The following GRIA4 variants were observed in gnomAD, a reference collection of about 807,000 sequenced individuals.
The protein encoded by GRIA4 is glutamate receptor 4.
In GRIA4, 34 loss-of-function variants were observed where a neutral mutation model predicts 104.0. That is an observed-to-expected ratio of 0.33 (90% CI 0.25 to 0.44). The LOEUF is 0.44. Among genes scored for constraint, GRIA4 ranks in the 20% least tolerant of loss-of-function variants. The pLI is 1.00. For missense variants in GRIA4, 750 were observed against 1,096.5 expected, an observed-to-expected ratio of 0.68 and a Z score of 4.46; for synonymous variants, 386 against 381.9, an observed-to-expected ratio of 1.01 and a Z score of -0.13.
At chr11:105,638,659 C>T (rs1951275304) in intron 3 of GRIA4, among the ~76,000 whole-genome samples, 1 of 152,016 alleles carries the variant, frequency 6.6e-6, no homozygotes, top group South Asian at 2.1e-4. Context: ...TTAAAAATCA[C>T]TATTCTCCAT....
rs151155179 is a variant in GRIA4, at chr11:105,861,090, C to T, written c.488-934C>T. The stretch of plus-strand genomic sequence containing the variant: ...TACAGCTTCTGCCTTAACCCAGGTG[C>T]TTGGACCAGGTGCCTTCCCTTCCAC... On this transcript the variant is annotated intron_variant, in intron 4 of 16. Coordinates refer to ENST00000282499, the MANE Select transcript of GRIA4 (RefSeq NM_000829.4). Among the ~76,000 whole-genome samples, 614 of 152,148 alleles carry T rather than the reference C, an allele frequency of 4.0e-3. 4 individuals are homozygous for T. Among genetic ancestry groups the T allele is most frequent in the African/African-American group, 0.013 (556 of 41,510 alleles).
chr11:105,974,207 A>T, intron 15 of GRIA4, 103 bp from the exon 16 acceptor site: 1 of 1,117,312 alleles, frequency 9.0e-7, no homozygotes, highest in Non-Finnish European at 1.3e-6. Context: ...ATTTCAGGTT[A>T]AATTAAGCAT....
chr11:105,818,382 C>T (rs1943457602), intron 4 of GRIA4, among the ~76,000 whole-genome samples: 1 of 152,090 alleles, frequency 6.6e-6, no homozygotes, highest in South Asian at 2.1e-4. Context: ...GCCTGGGTAA[C>T]CTACTGCACA....
chr11:105,912,905 G>C (rs1413655306), intron 10 of GRIA4: 1 of 979,434 alleles, frequency 1.0e-6, no homozygotes, highest in Admixed American at 6.2e-5. Context: ...AACACAGATG[G>C]AATTGGCTAG....
At chr11:105,720,766 T>C (rs1400952507) in intron 3 of GRIA4, among the ~76,000 whole-genome samples, 1 of 152,194 alleles carries the variant, frequency 6.6e-6, no homozygotes, top group East Asian at 1.9e-4. Flanking sequence ...CTCCAACCTG[T>C]CATATCACAG....
chr11:105,943,869 G>GCT (rs373863456), intron 14 of GRIA4, among the ~76,000 whole-genome samples: 35 of 150,752 alleles, frequency 2.3e-4, no homozygotes, highest in South Asian at 2.1e-4. Flanking sequence ...AACAGGAAAT[G>GCT]CTCTCTCTCT....
intron 4 of GRIA4, among the ~76,000 whole-genome samples, chr11:105,779,762 A>G (rs556707780): frequency 1.3e-4 from 20 of 152,330 alleles, no homozygotes; most frequent in African/African-American, 4.8e-4. Flanking sequence ...ACTTCAAACT[A>G]TACTACAAGG....
chr11:105,717,017 A>G (rs1246188738), intron 3 of GRIA4, among the ~76,000 whole-genome samples: 1 of 152,158 alleles, frequency 6.6e-6, no homozygotes, highest in Non-Finnish European at 1.5e-5. Context: ...TCAGTGTTAC[A>G]TGGAGGTTTA....
chr11:105,778,621 C>G (rs1565228900), intron 4 of GRIA4, among the ~76,000 whole-genome samples: 2 of 152,126 alleles, frequency 1.3e-5, no homozygotes, highest in East Asian at 3.9e-4. Flanking sequence ...AGGAGAATTG[C>G]TTGCACCCAG....
intron 5 of GRIA4, among the ~76,000 whole-genome samples, chr11:105,865,088 T>C (rs1320350069): frequency 6.6e-6 from 1 of 152,228 alleles, no homozygotes; most frequent in Non-Finnish European, 1.5e-5. Context: ...CATGAACTAA[T>C]TCGTTCTTAT....
At chr11:105,637,885 C>T (rs1201898060) in intron 3 of GRIA4, among the ~76,000 whole-genome samples, 2 of 152,110 alleles carry the variant, frequency 1.3e-5, no homozygotes, top group African/African-American at 2.4e-5. Flanking sequence ...TGGCTTATCA[C>T]CGATGAAAAA....
At chr11:105,868,973 T>C (rs1945523467) in intron 5 of GRIA4, among the ~76,000 whole-genome samples, 1 of 152,098 alleles carries the variant, frequency 6.6e-6, no homozygotes, top group South Asian at 2.1e-4. Flanking sequence ...AATGTGCAAG[T>C]CCTATTATGA....
At chr11:105,954,133 C>G (rs1239164740) in intron 14 of GRIA4, among the ~76,000 whole-genome samples, 2 of 152,164 alleles carry the variant, frequency 1.3e-5, no homozygotes, top group Non-Finnish European at 2.9e-5. Flanking sequence ...CTCTGCCTGA[C>G]CTGTTCCCAT....
At position 105,910,525 on chromosome 11, in the gene GRIA4, G is replaced by T. The variant is rs1305531444; in HGVS notation, c.1249G>T (p.Val417Leu). 1 of 1,562,614 alleles carries T rather than the reference G, an allele frequency of 6.4e-7. No individual in the cohort carries two copies. Among genetic ancestry groups the T allele is most frequent in the East Asian group, 2.2e-5 (1 of 44,594 alleles). The change falls in exon 10 of 17, where the codon GTG becomes TTG. Residue 417 changes from valine (V) to leucine (L), a missense_variant. By Grantham distance (32) the Val-to-Leu change is conservative (BLOSUM62 1). Around this residue, in one of 3 missense-constraint regions of GRIA4, gnomAD observed 410 missense variants for 502.7 expected, o/e 0.82. Transcript: ENST00000282499. ...NDTAAIENRT[V>L]VVTTIMESPY... ...CACAGCTGCTATTGAGAACAGAACAGTGGTTGTAACCACAATTATGGTAAG... is the reference window on the plus strand; with the variant it reads ...CACAGCTGCTATTGAGAACAGAACATTGGTTGTAACCACAATTATGGTAAG...
At chr11:105,773,872 C>CAA (rs555750319) in intron 4 of GRIA4, among the ~76,000 whole-genome samples, 4 of 104,810 alleles carry the variant, frequency 3.8e-5, no homozygotes, top group East Asian at 2.7e-4. Context: ...TCAAAGAGGG[C>CAA]AAAAAAAAAA....
At chr11:105,914,554 CATAA>C (rs1161731066) in intron 10 of GRIA4, among the ~76,000 whole-genome samples, 1 of 152,048 alleles carries the variant, frequency 6.6e-6, no homozygotes, top group Non-Finnish European at 1.5e-5. Context: ...AATTAATTTA[CATAA>C]ATACTTTCAT....
chr11:105,814,117 A>G (rs541147699), intron 4 of GRIA4, among the ~76,000 whole-genome samples: 2 of 152,292 alleles, frequency 1.3e-5, no homozygotes, highest in East Asian at 3.9e-4. Context: ...GAGGGGTGTG[A>G]GTTGAGGTCA....
At chr11:105,653,231 G>C (rs1202739432) in intron 3 of GRIA4, among the ~76,000 whole-genome samples, 1 of 152,092 alleles carries the variant, frequency 6.6e-6, no homozygotes, top group African/African-American at 2.4e-5. Context: ...TTATTTATTT[G>C]AGCACTTTCA....
chr11:105,723,885 T>C (rs1272773701), intron 3 of GRIA4, among the ~76,000 whole-genome samples: 3 of 151,970 alleles, frequency 2.0e-5, no homozygotes, highest in East Asian at 3.8e-4. Context: ...AAAGAAGACA[T>C]ACAAATAGCC....
Sources: gnomAD v4.1 joint callset for allele counts (sites outside exome capture counted in the v4.1 genomes callset) on GRCh38, gnomAD v4.1.1 for gene constraint, gnomAD v4.1.1 regional missense constraint, MANE v1.5 for transcripts, NCBI Gene and HGNC (gene_info 2026-07-23, HGNC 2026-07-21) for gene names.